The following MGAT5 variants were observed in gnomAD, a reference collection of about 807,000 sequenced individuals.
The protein encoded by MGAT5 is alpha-1,6-mannosylglycoprotein 6-beta-N-acetylglucosaminyltransferase A.
In MGAT5, 30 loss-of-function variants were observed where a neutral mutation model predicts 94.3. The observed-to-expected ratio is 0.32, with a 90% CI of 0.24 to 0.43. The LOEUF (loss-of-function observed/expected upper bound fraction) is 0.43, where lower values mean the gene tolerates loss of function less well. MGAT5 is among the 20% of genes least tolerant of loss of function. The pLI is 1.00. For missense variants in MGAT5, 691 were observed against 905.5 expected (o/e 0.76, Z 3.04); for synonymous variants, 310 against 322.9 (o/e 0.96, Z 0.43).
chr2:134,274,580 G>C (rs1403336175), intron 2 of MGAT5, among the ~76,000 whole-genome samples: 1 of 151,986 alleles, frequency 6.6e-6, no homozygotes, highest in African/African-American at 2.4e-5. Context: ...GTGTATGTAT[G>C]TGCATGTGTA....
At chr2:134,172,987 A>T (rs1688290585) in intron 1 of MGAT5, among the ~76,000 whole-genome samples, 2 of 152,344 alleles carry the variant, frequency 1.3e-5, no homozygotes, top group East Asian at 3.9e-4. Flanking sequence ...TGACGTGAAT[A>T]AAAGCATTAA....
intron 1 of MGAT5, chr2:134,231,153 G>A (rs1220610137): frequency 6.6e-6 from 1 of 152,146 alleles, no homozygotes; most frequent in African/African-American, 2.4e-5. Context: ...TAGCTAAAGG[G>A]TGTGGGTTTC....
intron 2 of MGAT5, 108 bp downstream of exon 2, chr2:134,270,658 C>G: frequency 2.7e-6 from 3 of 1,129,292 alleles, no homozygotes; most frequent in Non-Finnish European, 3.7e-6. Context: ...AATATAAATT[C>G]TATAAACTTG....
chr2:134,188,252 A>C (rs1689144832), intron 1 of MGAT5, among the ~76,000 whole-genome samples: 2 of 152,254 alleles, frequency 1.3e-5, no homozygotes. Context: ...GATAGAGAGT[A>C]GTGGCTGTCC....
At chr2:134,428,521 C>A in intron 14 of MGAT5, 82 bp downstream of exon 14, 2 of 1,268,644 alleles carry the variant, frequency 1.6e-6, no homozygotes, top group South Asian at 1.2e-5. Context: ...CATTTAAGAG[C>A]TCACTGTGTT....
chr2:134,240,370 T>A (rs1403999643), intron 1 of MGAT5, among the ~76,000 whole-genome samples: 7 of 151,800 alleles, frequency 4.6e-5, no homozygotes, highest in Non-Finnish European at 1.0e-4. Context: ...TTTTTTTTTT[T>A]TTACTATTTG....
chr2:134,448,664 C>T lies in MGAT5; in HGVS notation c.2043C>T (p.Cys681=). The T allele has an allele frequency of 6.2e-7, 1 of 1,614,186 alleles. No individual in the cohort carries two copies. The highest frequency in any genetic ancestry group is 1.1e-5 in the South Asian group (1 of 91,080). ...DKDMLKYKVT[C]QSSELAKDIL... is the part of the protein sequence containing the mutation. ...TCCTCTTCAGGTACAAGGTGACCTG[C>T]CAAAGCTCAGAGCTGGCCAAGGACA... The change falls in exon 16 of 16, where the codon TGC becomes TGT. Residue 681 remains cysteine (C), a synonymous_variant. Transcript: ENST00000281923.
intron 10 of MGAT5, among the ~76,000 whole-genome samples, chr2:134,386,287 A>G (rs34887509): frequency 0.18 from 27,301 of 152,210 alleles, 2,614 homozygotes; most frequent in Middle Eastern, 0.27. Flanking sequence ...AAGAAATGTC[A>G]TTTAAACAAG....
intron 9 of MGAT5, among the ~76,000 whole-genome samples, chr2:134,355,728 G>A (rs1679692713): frequency 6.6e-6 from 1 of 152,174 alleles, no homozygotes; most frequent in African/African-American, 2.4e-5. Flanking sequence ...TCCGGTATTT[G>A]GATAGCTCTA....
At position 134,197,493 on chromosome 2, in the gene MGAT5, G is replaced by C. The variant is rs10177053; in HGVS notation, c.-142-56769G>C. Reference sequence around the variant, plus strand: ...AAAAATTGGGATTTGAGATTAAAGAGAGATTTCTTGAACCTCCTGGTATAA... The same window carrying C: ...AAAAATTGGGATTTGAGATTAAAGACAGATTTCTTGAACCTCCTGGTATAA... On this transcript the variant is annotated intron_variant, in intron 1 of 16. Transcript: ENST00000409645. Among the ~76,000 whole-genome samples the C allele has an allele frequency of 7.4e-3, 1,122 of 152,322 alleles. 13 individuals carry two copies. The highest frequency in any genetic ancestry group is 0.025 in the African/African-American group (1,042 of 41,578).
intron 1 of MGAT5, among the ~76,000 whole-genome samples, chr2:134,220,056 T>G (rs1022335907): frequency 6.6e-6 from 1 of 152,186 alleles, no homozygotes; most frequent in East Asian, 1.9e-4. Context: ...TTCATTATCT[T>G]GTGAAGGCAG....
intron 2 of MGAT5, among the ~76,000 whole-genome samples, chr2:134,282,273 T>C (rs1190010997): frequency 1.3e-5 from 2 of 151,978 alleles, no homozygotes; most frequent in African/African-American, 4.8e-5. Flanking sequence ...TGGCCAGGAG[T>C]GTGTGCCATG....
At chr2:134,224,289 T>C in intron 1 of MGAT5, among the ~76,000 whole-genome samples, 1 of 152,152 alleles carries the variant, frequency 6.6e-6, no homozygotes. Context: ...CTTCCATAAG[T>C]ATTAGTCAGA....
chr2:134,402,474 C>T (rs1228231544), intron 10 of MGAT5, among the ~76,000 whole-genome samples: 3 of 152,204 alleles, frequency 2.0e-5, no homozygotes, highest in Admixed American at 1.3e-4. Context: ...GTTCTGACAA[C>T]ATGAGTTAAT....
chr2:134,395,666 A>G (rs1232741247), intron 10 of MGAT5, among the ~76,000 whole-genome samples: 1 of 152,234 alleles, frequency 6.6e-6, no homozygotes, highest in Admixed American at 6.5e-5. Flanking sequence ...CTATTTATGG[A>G]TGAGACATTT....
intron 1 of MGAT5, among the ~76,000 whole-genome samples, chr2:134,189,607 T>TTG (rs796818734): frequency 0.11 from 8,947 of 80,710 alleles, 882 homozygotes; most frequent in East Asian, 0.33. Context: ...TTTTTGTTTT[T>TTG]TTTTTTTTTT....
In MGAT5 at chr2:134,314,216, A is replaced by G. The variant is rs533396871; in HGVS notation, c.407-3313A>G. Among the ~76,000 whole-genome samples the G allele has an allele frequency of 5.9e-5, 9 of 152,282 alleles. No homozygotes were observed. The South Asian group carries it at 1.9e-3, about 32-fold the overall frequency. ...TTCCCTCTACCTGAGAACCTTGAGC[A>G]CTCTTAAGCCAATGCCTCTGGAAGC... On this transcript the variant is annotated intron_variant, in intron 2 of 15. Transcript: ENST00000281923.
intron 1 of MGAT5, among the ~76,000 whole-genome samples, chr2:134,132,730 A>T (rs571357833): frequency 1.3e-5 from 2 of 152,240 alleles, no homozygotes; most frequent in African/African-American, 2.4e-5. Context: ...TTCATAACCC[A>T]TCAGTTAGTT....
chr2:134,214,993 T>A (rs1680401956), intron 1 of MGAT5, among the ~76,000 whole-genome samples: 1 of 152,174 alleles, frequency 6.6e-6, no homozygotes, highest in South Asian at 2.1e-4. Context: ...GCCTCAATCC[T>A]GACTGTTTTA....
Sources: allele counts gnomAD v4.1 joint callset (sites outside exome capture counted in the v4.1 genomes callset), GRCh38; gene constraint gnomAD v4.1.1; transcripts MANE v1.5; gene names NCBI Gene and HGNC (gene_info 2026-07-23, HGNC 2026-07-21).